The following FCHSD2 variants were observed in gnomAD, a reference collection of about 807,000 sequenced individuals.
The protein encoded by FCHSD2 is FCH and double SH3 domains 2, also known as F-BAR and double SH3 domains protein 2.
FCHSD2 carries 38 observed loss-of-function variants against 108.1 expected under a neutral mutation model. The ratio of observed to expected loss-of-function variants is 0.35; its 90% CI spans 0.27 to 0.46. FCHSD2 has a LOEUF of 0.46. Ranked by LOEUF, FCHSD2 falls within the 20% of genes least tolerant of loss-of-function variation. The pLI is 1.00. For synonymous variants in FCHSD2, 279 were observed against 314.7 expected, an observed-to-expected ratio of 0.89 and a Z score of 1.20; for missense variants, 751 against 897.8, an observed-to-expected ratio of 0.84 and a Z score of 2.09.
At chr11:72,853,086 C>T (rs917593430) in intron 13 of FCHSD2, among the ~76,000 whole-genome samples, 1 of 152,060 alleles carries the variant, frequency 6.6e-6, no homozygotes, top group Non-Finnish European at 1.5e-5. Context: ...AAACAAACCC[C>T]CATGACACGA....
intron 10 of FCHSD2, among the ~76,000 whole-genome samples, chr11:72,896,764 TAAA>T (rs58159831): frequency 2.8e-3 from 189 of 68,396 alleles, no homozygotes; most frequent in Non-Finnish European, 3.4e-3. Context: ...GGGAAAATAC[TAAA>T]AAAAAAAAAA....
At chr11:73,135,052 C>A (rs899420128) in intron 2 of FCHSD2, among the ~76,000 whole-genome samples, 1 of 152,194 alleles carries the variant, frequency 6.6e-6, no homozygotes, top group Admixed American at 6.5e-5. Flanking sequence ...CAGGGTTTCA[C>A]CATGTTGGCC....
intron 3 of FCHSD2, among the ~76,000 whole-genome samples, chr11:73,080,545 A>C (rs1859660489): frequency 1.3e-5 from 2 of 152,168 alleles, no homozygotes; most frequent in African/African-American, 4.8e-5. Context: ...ATTATATTGA[A>C]AAGAGTAGGC....
At chr11:72,873,802 G>T (rs1565299684) in intron 12 of FCHSD2, among the ~76,000 whole-genome samples, 1 of 152,154 alleles carries the variant, frequency 6.6e-6, no homozygotes, top group Non-Finnish European at 1.5e-5. Flanking sequence ...AACTGAGGCA[G>T]CTCCAGCATC....
At chr11:72,962,040 T>C (rs1390939131) in intron 8 of FCHSD2, among the ~76,000 whole-genome samples, 1 of 152,218 alleles carries the variant, frequency 6.6e-6, no homozygotes, top group Non-Finnish European at 1.5e-5. Flanking sequence ...ATTGAAATAT[T>C]CAATTCTAGA....
At chr11:72,886,930 C>G (rs1855210045) in intron 12 of FCHSD2, among the ~76,000 whole-genome samples, 1 of 152,060 alleles carries the variant, frequency 6.6e-6, no homozygotes, top group Non-Finnish European at 1.5e-5. Context: ...CCTCAAAGGT[C>G]CCATGACTCC....
intron 2 of FCHSD2, among the ~76,000 whole-genome samples, chr11:73,134,483 C>T (rs186797187): frequency 2.4e-3 from 367 of 152,046 alleles, no homozygotes; most frequent in Admixed American, 4.1e-3. Context: ...AAAAAAAAGT[C>T]TCAGAACATC....
intron 8 of FCHSD2, among the ~76,000 whole-genome samples, chr11:72,923,244 A>G (rs1426921643): frequency 6.6e-6 from 1 of 152,210 alleles, no homozygotes; most frequent in African/African-American, 2.4e-5. Context: ...AAATAAATAA[A>G]TAATGCTGCT....
chr11:72,899,735 TAAAAAAAAA>T (rs10674308), intron 10 of FCHSD2, among the ~76,000 whole-genome samples: 5 of 72,736 alleles, frequency 6.9e-5, no homozygotes, highest in African/African-American at 2.9e-4. Flanking sequence ...GACCCTATCT[TAAAAAAAAA>T]AAAAAAAAAA....
At chr11:73,122,185 A>T (rs534874131) in intron 2 of FCHSD2, among the ~76,000 whole-genome samples, 2 of 152,212 alleles carry the variant, frequency 1.3e-5, no homozygotes, top group Non-Finnish European at 2.9e-5. Context: ...GGCAAAAAAA[A>T]AAAATGTAGC....
At chr11:73,138,701 T>G (rs1591586506) in intron 2 of FCHSD2, among the ~76,000 whole-genome samples, 1 of 150,132 alleles carries the variant, frequency 6.7e-6, no homozygotes, top group East Asian at 2.0e-4. Context: ...CTCCGCCTAC[T>G]AGGTTCAAGC....
At chr11:73,070,395 TA>T (rs975214083) in intron 3 of FCHSD2, among the ~76,000 whole-genome samples, 7 of 152,146 alleles carry the variant, frequency 4.6e-5, no homozygotes, top group African/African-American at 1.7e-4. Context: ...AGTCGTAAAG[TA>T]GATACTTGAT....
At chr11:72,976,552 T>C (rs925485832) in intron 8 of FCHSD2, among the ~76,000 whole-genome samples, 3 of 152,124 alleles carry the variant, frequency 2.0e-5, no homozygotes, top group Non-Finnish European at 2.9e-5. Context: ...AGTGCTGGGA[T>C]GACAGGTGTA....
At chr11:73,084,114 A>G (rs1161949563) in intron 2 of FCHSD2, among the ~76,000 whole-genome samples, 4 of 152,248 alleles carry the variant, frequency 2.6e-5, no homozygotes, top group African/African-American at 9.6e-5. Context: ...AAACCTATAT[A>G]AATGTTGGCT....
intron 3 of FCHSD2, among the ~76,000 whole-genome samples, chr11:73,033,160 C>A (rs912954364): frequency 1.3e-5 from 2 of 151,692 alleles, no homozygotes; most frequent in Non-Finnish European, 2.9e-5. Flanking sequence ...TGGTGGCGGG[C>A]ACCTGTAGTT....
At chr11:72,968,077 C>T (rs1419468957) in intron 8 of FCHSD2, among the ~76,000 whole-genome samples, 2 of 134,320 alleles carry the variant, frequency 1.5e-5, no homozygotes, top group African/African-American at 2.9e-5. Context: ...GGCAACAGAG[C>T]AAGACTCTGT....
intron 9 of FCHSD2, among the ~76,000 whole-genome samples, chr11:72,905,453 T>C (rs1855608754): frequency 6.6e-6 from 1 of 152,212 alleles, no homozygotes; most frequent in African/African-American, 2.4e-5. Context: ...TTTATTTTTA[T>C]TATACTTTCA....
At chr11:72,869,253 A>C (rs1398122035) in intron 12 of FCHSD2, among the ~76,000 whole-genome samples, 2 of 152,174 alleles carry the variant, frequency 1.3e-5, no homozygotes, top group Non-Finnish European at 2.9e-5. Flanking sequence ...CTATCAAAAA[A>C]AGGAAATCAA....
At chr11:72,841,867 C>T (rs1024650211) in intron 17 of FCHSD2, among the ~76,000 whole-genome samples, 20 of 152,182 alleles carry the variant, frequency 1.3e-4, no homozygotes, top group African/African-American at 4.1e-4. Flanking sequence ...TGAAAATGTA[C>T]CAAATTAGTC....
Sources: allele counts gnomAD v4.1 joint callset (sites outside exome capture counted in the v4.1 genomes callset), GRCh38; gene constraint gnomAD v4.1.1; transcripts MANE v1.5; gene names NCBI Gene and HGNC (gene_info 2026-07-23, HGNC 2026-07-21).